PTAFR: variants seen among roughly 807,000 people sequenced by gnomAD.
PTAFR encodes platelet activating factor receptor.
PTAFR carries 8 observed loss-of-function variants against 14.7 expected under a neutral mutation model. The observed-to-expected ratio is 0.54, with a 90% CI of 0.32 to 0.98. The LOEUF is 0.98. Ranked by LOEUF, PTAFR falls within the 50% of genes least tolerant of loss-of-function variation. The pLI is 0.04. For missense variants in PTAFR, 337 were observed against 451.2 expected, an observed-to-expected ratio of 0.75 and a Z score of 2.29; for synonymous variants, 156 against 176.5, an observed-to-expected ratio of 0.88 and a Z score of 0.92.
intron 1 of PTAFR, among the ~76,000 whole-genome samples, chr1:28,152,751 T>C (rs547512490): frequency 6.6e-6 from 1 of 151,536 alleles, no homozygotes; most frequent in Admixed American, 6.6e-5. Flanking sequence ...CTCGAAAAAA[T>C]AAATAAGTAA....
chr1:28,180,475 CCT>C (rs1371364822), upstream of PTAFR, among the ~76,000 whole-genome samples: 1 of 152,208 alleles, frequency 6.6e-6, no homozygotes, highest in Non-Finnish European at 1.5e-5. Flanking sequence ...CTTCTCCCAT[CCT>C]CTGACATCTT....
At chr1:28,162,948 G>C (rs1225131766) in intron 1 of PTAFR, among the ~76,000 whole-genome samples, 1 of 151,842 alleles carries the variant, frequency 6.6e-6, no homozygotes, top group Non-Finnish European at 1.5e-5. Flanking sequence ...ACACTTGCCT[G>C]GGCTAACATC....
upstream of PTAFR, among the ~76,000 whole-genome samples, chr1:28,179,071 G>A (rs938018948): frequency 5.9e-5 from 9 of 151,956 alleles, no homozygotes; most frequent in East Asian, 1.9e-4. Context: ...TTTGAGCCTC[G>A]AGTGCCCTGA....
intron 1 of PTAFR, among the ~76,000 whole-genome samples, chr1:28,172,657 G>C (rs1435710193): frequency 6.6e-6 from 1 of 152,190 alleles, no homozygotes; most frequent in Non-Finnish European, 1.5e-5. Flanking sequence ...AGTGAATAAA[G>C]AAGCAACCAA....
upstream of PTAFR, among the ~76,000 whole-genome samples, chr1:28,181,081 G>GAA (rs1646558888): frequency 6.6e-6 from 1 of 152,038 alleles, no homozygotes; most frequent in Admixed American, 6.6e-5. Flanking sequence ...CCCCTGACCT[G>GAA]AAGCAATCCG....
chr1:28,187,942 G>A (rs1646620121), intron 1 of PTAFR, among the ~76,000 whole-genome samples: 1 of 152,170 alleles, frequency 6.6e-6, no homozygotes, highest in African/African-American at 2.4e-5. Context: ...ACTTTGGGAG[G>A]CTGAGGCAGG....
chr1:28,179,220 C>T (rs1167798150), upstream of PTAFR, among the ~76,000 whole-genome samples: 1 of 152,168 alleles, frequency 6.6e-6, no homozygotes, highest in Non-Finnish European at 1.5e-5. Context: ...AGCCACCACC[C>T]TCCAGGAGGG....
intron 1 of PTAFR, among the ~76,000 whole-genome samples, chr1:28,171,712 G>A (rs1326328163): frequency 6.6e-6 from 1 of 152,134 alleles, no homozygotes; most frequent in Non-Finnish European, 1.5e-5. Flanking sequence ...GGATGAGGAT[G>A]ATCTGGGTAC....
At chr1:28,155,793 G>A (rs1439916694) in intron 1 of PTAFR, among the ~76,000 whole-genome samples, 2 of 152,214 alleles carry the variant, frequency 1.3e-5, no homozygotes, top group Non-Finnish European at 2.9e-5. Flanking sequence ...AATTGAGCCT[G>A]GAAGGTCAAG....
At chr1:28,184,278 A>G (rs1189822731) in intron 1 of PTAFR, among the ~76,000 whole-genome samples, 1 of 151,870 alleles carries the variant, frequency 6.6e-6, no homozygotes, top group East Asian at 1.9e-4. Context: ...TTTTTAGTAG[A>G]GACGGGTTTT....
At chr1:28,176,399 C>T (rs1167726138) in intron 1 of PTAFR, among the ~76,000 whole-genome samples, 193 bp downstream of exon 1, 3 of 146,526 alleles carry the variant, frequency 2.0e-5, no homozygotes, top group Non-Finnish European at 3.0e-5. Context: ...GCCATGATCG[C>T]GCCACTGCAC....
rs2148990608 is a variant in PTAFR at position 28,148,272 on chromosome 1, G to A, written c.*1721C>T. ...CATCTAGAGATCCCCAGGAGAAGCT[G>A]ACACCTGGCTGACACCTGCTGACAG... On this transcript the variant is annotated 3_prime_UTR_variant, in exon 2 of 2. Coordinates refer to ENST00000373857, the MANE Select transcript of PTAFR (RefSeq NM_000952.5). The A allele has an allele frequency of 6.6e-6, 1 of 152,322 alleles. No individual in the cohort carries two copies. The highest frequency in any genetic ancestry group is 6.5e-5 in the Admixed American group (1 of 15,284). 9.4% of individuals were successfully genotyped at this position (152,322 alleles called of 1,614,324 possible).
chr1:28,165,855 T>G (rs940782490), intron 1 of PTAFR, among the ~76,000 whole-genome samples: 2 of 152,172 alleles, frequency 1.3e-5, no homozygotes, highest in South Asian at 2.1e-4. Context: ...GTTCATGGAT[T>G]GGAAGACTTA....
In PTAFR at chr1:28,150,012, C is replaced by A. The variant is rs762630426; in HGVS notation, c.1010G>T (p.Gly337Val). 1 of 1,612,510 alleles carries A rather than the reference C, an allele frequency of 6.2e-7. No homozygotes were observed. Among genetic ancestry groups the A allele is most frequent in the Non-Finnish European group, 8.5e-7 (1 of 1,178,894 alleles). The change falls in exon 2 of 2, where the codon GGC (glycine) becomes GTC (valine). Residue 337 changes from glycine to valine, a missense_variant. Transcript: ENST00000373857. This position sits in a 1 kb window ranked among gnomAD's most constrained non-coding sequence, Gnocchi z 6.3. ...CAGGGACTAATTTTTGAGGGAATTG[C>A]CAGGGATCTGGTTGAATGGCACAAC... Reference protein sequence around the residue: ...EVVVPFNQIPGNSLKN With the variant: ...EVVVPFNQIPVNSLKN
chr1:28,154,129 A>G (rs1042664069), intron 1 of PTAFR, among the ~76,000 whole-genome samples: 8 of 151,958 alleles, frequency 5.3e-5, no homozygotes, highest in Admixed American at 1.3e-4. Context: ...CAAGGAAGAC[A>G]ACACTTGGAG....
chr1:28,169,999 CAA>C (rs55770214), intron 1 of PTAFR, among the ~76,000 whole-genome samples: 29 of 122,902 alleles, frequency 2.4e-4, no homozygotes, highest in Admixed American at 4.3e-4. Flanking sequence ...GACTCCATCT[CAA>C]AAAAAAAAAA....
At chr1:28,170,825 C>G (rs550629708) in intron 1 of PTAFR, among the ~76,000 whole-genome samples, 112 of 151,204 alleles carry the variant, frequency 7.4e-4, no homozygotes, top group African/African-American at 2.6e-3. Context: ...ACGGTAAAAC[C>G]CTGTCTCTAC....
In PTAFR at chr1:28,149,941, G is replaced by C. The variant is rs1336729343; in HGVS notation, c.*52C>G. ...ACAGTAGATATCCCTTCTTCCCCCA[G>C]CTCAGTCCATGATGTTCATGGAGGA... On this transcript the variant is annotated 3_prime_UTR_variant, in exon 2 of 2. Transcript: ENST00000373857. 1.2e-5 allele frequency: 18 copies of C among 1,562,198 alleles called. No individual in the cohort carries two copies. Among genetic ancestry groups the C allele is most frequent in the Non-Finnish European group, 1.5e-5 (17 of 1,150,714 alleles).
Position 28,165,305 on chromosome 1 carries a change from T to C in PTAFR, c.-39+11287A>G, listed in dbSNP as rs1202237115. Among the ~76,000 whole-genome samples, 3 of 142,456 alleles carry C rather than the reference T, an allele frequency of 2.1e-5. No homozygotes were observed. The East Asian group carries it at 6.3e-4, about 30-fold the overall frequency. The allele number at this position is 142,456 out of a possible 152,430, so 93.5% of individuals were successfully genotyped here. ...CTGTAGTCCCAGCTACTCAGGAGGCTGAGCCAGGAGAATCACTTGAACCGG... is the reference window on the plus strand; with the variant it reads ...CTGTAGTCCCAGCTACTCAGGAGGCCGAGCCAGGAGAATCACTTGAACCGG... On this transcript the variant is annotated intron_variant, in intron 1 of 1. Coordinates refer to ENST00000373857, the MANE Select transcript of PTAFR (RefSeq NM_000952.5).
Sources: gnomAD v4.1 joint callset for allele counts (sites outside exome capture counted in the v4.1 genomes callset) on GRCh38, gnomAD v4.1.1 for gene constraint, Gnocchi (gnomAD v3.1) non-coding constraint, MANE v1.5 for transcripts, NCBI Gene and HGNC (gene_info 2026-07-23, HGNC 2026-07-21) for gene names.